DYNC1I1: variants seen among roughly 807,000 people sequenced by gnomAD.
DYNC1I1 encodes dynein cytoplasmic 1 intermediate chain 1.
A neutral mutation model predicts 86.6 loss-of-function variants in DYNC1I1; 43 were observed. The ratio of observed to expected loss-of-function variants is 0.50; its 90% CI spans 0.39 to 0.64. The LOEUF (loss-of-function observed/expected upper bound fraction) is 0.64, where lower values mean the gene tolerates loss of function less well. Among genes scored for constraint, DYNC1I1 ranks in the 30% least tolerant of loss-of-function variants. The pLI, the probability that DYNC1I1 is intolerant of heterozygous loss-of-function variation, is 0.00. For missense variants in DYNC1I1, 604 were observed against 788.8 expected, an observed-to-expected ratio of 0.77 and a Z score of 2.81; for synonymous variants, 262 against 283.7, an observed-to-expected ratio of 0.92 and a Z score of 0.77.
At chr7:95,977,888 C>T (rs1793349165) in intron 7 of DYNC1I1, among the ~76,000 whole-genome samples, 1 of 152,164 alleles carries the variant, frequency 6.6e-6, no homozygotes, top group African/African-American at 2.4e-5. Flanking sequence ...GCCATGTTAT[C>T]TCATTCACAG....
Position 95,882,710 on chromosome 7 carries a change from A to G in DYNC1I1, c.490+12712A>G, listed in dbSNP as rs371273274. ...ACCCAGATCTTAAGATCCAAGTGTT[A>G]TATTGAACATTGGTGAGGTACAGCG... On this transcript the variant is annotated intron_variant, in intron 6 of 16. Transcript: ENST00000447467. 5.3e-5 allele frequency among the ~76,000 whole-genome samples: 8 copies of G among 152,184 alleles called. No individual in the cohort carries two copies. In the East Asian group the frequency reaches 9.6e-4, roughly 18 times the overall value.
intron 8 of DYNC1I1, among the ~76,000 whole-genome samples, chr7:95,985,884 A>G (rs11768589): frequency 0.081 from 12,356 of 152,240 alleles, 609 homozygotes; most frequent in Admixed American, 0.11. Flanking sequence ...ACCTTGAAGA[A>G]ACAACAGTAT....
intron 4 of DYNC1I1, among the ~76,000 whole-genome samples, chr7:95,817,112 G>A (rs984116772): frequency 2.0e-5 from 3 of 151,938 alleles, no homozygotes; most frequent in African/African-American, 7.2e-5. Flanking sequence ...AGTGAGGTGT[G>A]GTAGCTCAGA....
intron 10 of DYNC1I1, among the ~76,000 whole-genome samples, chr7:96,013,060 T>C (rs1163199432): frequency 2.6e-5 from 4 of 151,950 alleles, no homozygotes; most frequent in African/African-American, 9.7e-5. Context: ...ATCTCACAAA[T>C]TGAGGATCTT....
intron 11 of DYNC1I1, among the ~76,000 whole-genome samples, chr7:96,030,649 T>C (rs1794788126): frequency 6.6e-6 from 1 of 152,148 alleles, no homozygotes; most frequent in Admixed American, 6.5e-5. Flanking sequence ...TGGACTCTTG[T>C]TGAAAAACAA....
At chr7:96,091,020 C>T (rs1039653257) in intron 16 of DYNC1I1, among the ~76,000 whole-genome samples, 2 of 152,090 alleles carry the variant, frequency 1.3e-5, no homozygotes, top group Non-Finnish European at 2.9e-5. Flanking sequence ...TGCATATTAC[C>T]TCCCACTTTG....
At chr7:95,936,956 T>TCTCTCACACACACACACACACACACACA (rs750834189) in intron 6 of DYNC1I1, among the ~76,000 whole-genome samples, 2 of 134,188 alleles carry the variant, frequency 1.5e-5, no homozygotes, top group Non-Finnish European at 1.6e-5. Context: ...AGAATATGTC[T>TCTCTCACACACACACACACACACACACA]CACACACACA....
At chr7:95,996,248 C>T (rs1332384362) in intron 10 of DYNC1I1, among the ~76,000 whole-genome samples, 175 bp downstream of exon 10, 1 of 152,174 alleles carries the variant, frequency 6.6e-6, no homozygotes, top group African/African-American at 2.4e-5. Context: ...GGCAACCCTC[C>T]CCAAACAGTT....
chr7:95,780,789 C>T (rs894248526), intron 1 of DYNC1I1, among the ~76,000 whole-genome samples: 17 of 152,054 alleles, frequency 1.1e-4, no homozygotes, highest in African/African-American at 3.9e-4. Flanking sequence ...AGGGGATGAC[C>T]CTGAGACTCT....
chr7:95,962,012 CA>C (rs1442248337), intron 6 of DYNC1I1, among the ~76,000 whole-genome samples: 5 of 152,184 alleles, frequency 3.3e-5, no homozygotes, highest in Admixed American at 2.6e-4. Flanking sequence ...CACAAGTAAG[CA>C]GTCTGTTTTG....
In DYNC1I1 at chr7:96,086,651, C is replaced by T. The variant is rs139770927; in HGVS notation, c.1776+6163C>T. The stretch of plus-strand genomic sequence containing the variant: ...ATAGTATTCATTTCATTACAAATTT[C>T]AATAAGTATAATACATTTGACATTG... On this transcript the variant is annotated intron_variant, in intron 16 of 16. Coordinates refer to ENST00000447467, the MANE Select transcript of DYNC1I1 (RefSeq NM_001135556.2). 4.9e-3 allele frequency among the ~76,000 whole-genome samples: 749 copies of T among 152,172 alleles called. 10 individuals carry two copies. The highest frequency in any genetic ancestry group is 0.017 in the African/African-American group (703 of 41,540).
At chr7:95,787,127 A>G (rs924392326) in intron 1 of DYNC1I1, among the ~76,000 whole-genome samples, 3 of 152,198 alleles carry the variant, frequency 2.0e-5, no homozygotes, top group African/African-American at 7.2e-5. Flanking sequence ...CAATGTAAGT[A>G]TATGTTATAT....
chr7:95,862,986 T>A (rs1180913340), intron 5 of DYNC1I1, among the ~76,000 whole-genome samples: 1 of 152,238 alleles, frequency 6.6e-6, no homozygotes, highest in Non-Finnish European at 1.5e-5. Flanking sequence ...ATTGTGATAT[T>A]GTTTATCTTT....
chr7:95,926,027 G>A (rs1294679914), intron 6 of DYNC1I1, among the ~76,000 whole-genome samples: 1 of 152,118 alleles, frequency 6.6e-6, no homozygotes, highest in Non-Finnish European at 1.5e-5. Flanking sequence ...TAATGCCCAG[G>A]GTTGGCAAGG....
chr7:96,044,485 G>C (rs1789148617), intron 14 of DYNC1I1, among the ~76,000 whole-genome samples: 1 of 151,850 alleles, frequency 6.6e-6, no homozygotes, highest in Non-Finnish European at 1.5e-5. Context: ...AGATTAGAGA[G>C]AGCTCAAGGA....
chr7:95,933,261 T>G (rs1791950654), intron 6 of DYNC1I1, among the ~76,000 whole-genome samples: 1 of 152,194 alleles, frequency 6.6e-6, no homozygotes, highest in Non-Finnish European at 1.5e-5. Context: ...TCATTTGTGA[T>G]AAAATATCAG....
chr7:96,088,886 A>C (rs1209190692), intron 16 of DYNC1I1, among the ~76,000 whole-genome samples: 1 of 152,112 alleles, frequency 6.6e-6, no homozygotes, highest in Non-Finnish European at 1.5e-5. Context: ...ACATCTTTTA[A>C]ATTTTAAAGC....
At chr7:96,075,945 C>G in intron 14 of DYNC1I1, 112 bp from the exon 15 acceptor site, 3 of 1,434,448 alleles carry the variant, frequency 2.1e-6, no homozygotes, top group Non-Finnish European at 2.8e-6. Flanking sequence ...GGACTTTCAT[C>G]TCGGGAAGTT....
intron 13 of DYNC1I1, among the ~76,000 whole-genome samples, chr7:96,036,466 G>T (rs1369900237): frequency 6.6e-6 from 1 of 152,140 alleles, no homozygotes; most frequent in Non-Finnish European, 1.5e-5. Flanking sequence ...AAGTGGGATA[G>T]GACTATAGGC....
Sources: gnomAD v4.1 joint callset for allele counts (sites outside exome capture counted in the v4.1 genomes callset) on GRCh38, gnomAD v4.1.1 for gene constraint, MANE v1.5 for transcripts, NCBI Gene and HGNC (gene_info 2026-07-23, HGNC 2026-07-21) for gene names.